PRKG1: variants seen among roughly 807,000 people sequenced by gnomAD.
PRKG1 encodes cGMP-dependent protein kinase 1.
PRKG1 carries 35 observed loss-of-function variants against 88.1 expected under a neutral mutation model. That is an observed-to-expected ratio of 0.40 (90% CI 0.30 to 0.53). PRKG1 has a LOEUF of 0.53. Ranked by LOEUF, PRKG1 falls within the 20% of genes least tolerant of loss-of-function variation. PRKG1 has a pLI of 0.59. For missense variants in PRKG1, 540 were observed against 839.8 expected, an observed-to-expected ratio of 0.64 and a Z score of 4.41; for synonymous variants, 303 against 292.5, an observed-to-expected ratio of 1.04 and a Z score of -0.37.
In PRKG1 at chr10:52,027,956, T is replaced by C. The variant is rs1382928093; in HGVS notation, c.763-26528T>C. ...GGTGCCTGCCACCACGCCCAGCTAA[T>C]TTTTGTATTTTCAGTAGACGTGGGG... On this transcript the variant is annotated intron_variant, in intron 5 of 17. Coordinates refer to ENST00000373980, the MANE Select transcript of PRKG1 (RefSeq NM_006258.4). Among the ~76,000 whole-genome samples, 6 of 152,212 alleles carry C rather than the reference T, an allele frequency of 3.9e-5. No individual in the cohort carries two copies. In the East Asian group the frequency reaches 1.2e-3, roughly 29 times the overall value.
chr10:52,215,248 G>C (rs1002745080), intron 9 of PRKG1, among the ~76,000 whole-genome samples: 9 of 151,962 alleles, frequency 5.9e-5, no homozygotes, highest in African/African-American at 1.7e-4. Flanking sequence ...ACAAAAATTA[G>C]CCGGGCATGG....
chr10:51,034,668 T>TTTATATA (rs9299454), intron 1 of PRKG1, among the ~76,000 whole-genome samples: 8,732 of 67,708 alleles, frequency 0.13, 1,472 homozygotes, highest in Non-Finnish European at 0.16. Flanking sequence ...AATATGTTAT[T>TTTATATA]TATATATATA....
At chr10:51,825,597 G>T (rs1054048588) in intron 4 of PRKG1, among the ~76,000 whole-genome samples, 1 of 152,126 alleles carries the variant, frequency 6.6e-6, no homozygotes, top group Non-Finnish European at 1.5e-5. Flanking sequence ...CCAGTCTCCT[G>T]TGCCTACAAC....
At chr10:51,338,882 C>T (rs758658972) in intron 2 of PRKG1, among the ~76,000 whole-genome samples, 6 of 151,964 alleles carry the variant, frequency 3.9e-5, no homozygotes, top group Admixed American at 1.3e-4. Flanking sequence ...AGATATCTAG[C>T]GCAATGCTAA....
chr10:51,597,010 T>A (rs1484496301), intron 3 of PRKG1, among the ~76,000 whole-genome samples: 54 of 152,172 alleles, frequency 3.5e-4, no homozygotes, highest in Non-Finnish European at 2.1e-4. Flanking sequence ...GAAAGAGCAT[T>A]TATCGTCCCT....
intron 2 of PRKG1, among the ~76,000 whole-genome samples, chr10:51,163,827 G>A (rs1238437494): frequency 1.3e-5 from 2 of 152,178 alleles, no homozygotes; most frequent in Admixed American, 6.5e-5. Context: ...CTGCAAGGCC[G>A]CAGCGAGGCT....
intron 5 of PRKG1, among the ~76,000 whole-genome samples, chr10:51,989,924 T>A (rs1460096694): frequency 6.6e-6 from 1 of 152,312 alleles, no homozygotes; most frequent in Admixed American, 6.5e-5. Flanking sequence ...TTTCTTATAA[T>A]AGTTTTAAGA....
At chr10:51,919,311 A>G (rs1316313658) in intron 5 of PRKG1, among the ~76,000 whole-genome samples, 2 of 152,142 alleles carry the variant, frequency 1.3e-5, no homozygotes, top group Non-Finnish European at 2.9e-5. Context: ...GTGACCAACC[A>G]AGGCTTTAGG....
chr10:51,079,263 T>G (rs1844045281), intron 1 of PRKG1, among the ~76,000 whole-genome samples: 1 of 152,162 alleles, frequency 6.6e-6, no homozygotes, highest in Non-Finnish European at 1.5e-5. Flanking sequence ...CAAGTAAATA[T>G]TCTAGAAAGT....
At chr10:51,960,538 T>C (rs1250406881) in intron 5 of PRKG1, among the ~76,000 whole-genome samples, 2 of 151,994 alleles carry the variant, frequency 1.3e-5, no homozygotes, top group African/African-American at 4.8e-5. Context: ...CGTTTTCTAT[T>C]TTTTCTGTTC....
intron 7 of PRKG1, among the ~76,000 whole-genome samples, chr10:52,094,830 C>T (rs1013038870): frequency 5.9e-5 from 9 of 152,186 alleles, no homozygotes; most frequent in Non-Finnish European, 1.2e-4. Flanking sequence ...TCATGTAGAG[C>T]TAAATACCTC....
intron 9 of PRKG1, among the ~76,000 whole-genome samples, chr10:52,211,682 A>C (rs1478847178): frequency 6.7e-6 from 1 of 148,746 alleles, no homozygotes; most frequent in Non-Finnish European, 1.5e-5. Context: ...TAAAAAATAC[A>C]CAAATACCTA....
chr10:51,417,054 A>G (rs983608940), intron 2 of PRKG1, among the ~76,000 whole-genome samples: 3 of 152,170 alleles, frequency 2.0e-5, no homozygotes, highest in Admixed American at 6.5e-5. Flanking sequence ...CTTTTTAAAT[A>G]ACTTATCAAT....
At chr10:51,624,045 A>T (rs1157390138) in intron 3 of PRKG1, among the ~76,000 whole-genome samples, 1 of 151,916 alleles carries the variant, frequency 6.6e-6, no homozygotes, top group Non-Finnish European at 1.5e-5. Context: ...AACCACTCAT[A>T]TTTTTTTCCC....
In PRKG1 at chr10:51,092,054, G is replaced by T. The variant is rs1357696314; in HGVS notation, c.311+17153G>T. ...AATAACCTTCCAACTTGGCTTTTTG[G>T]CTCCCTGTGCAAATTCTGCCATGAA... On this transcript the variant is annotated intron_variant, in intron 1 of 17. Transcript: ENST00000373980. 2.0e-5 allele frequency among the ~76,000 whole-genome samples: 3 copies of T among 152,042 alleles called. No individual in the cohort carries two copies. In the East Asian group the frequency reaches 5.8e-4, roughly 29 times the overall value.
At chr10:52,274,722 G>T (rs1262465174) in intron 12 of PRKG1, among the ~76,000 whole-genome samples, 2 of 151,828 alleles carry the variant, frequency 1.3e-5, no homozygotes, top group Non-Finnish European at 2.9e-5. Flanking sequence ...GGGTCAAATG[G>T]TAATTCTACT....
chr10:51,395,569 G>A (rs1391916546), intron 2 of PRKG1, among the ~76,000 whole-genome samples: 1 of 152,102 alleles, frequency 6.6e-6, no homozygotes, highest in Admixed American at 6.6e-5. Context: ...GAAGTTATGG[G>A]CAGGAGGAGA....
At chr10:52,227,082 T>C (rs528688411) in intron 9 of PRKG1, among the ~76,000 whole-genome samples, 1 of 152,318 alleles carries the variant, frequency 6.6e-6, no homozygotes, top group East Asian at 1.9e-4. Flanking sequence ...TTGTTTGATG[T>C]ATTTTAATTA....
intron 4 of PRKG1, among the ~76,000 whole-genome samples, chr10:51,808,012 T>C (rs771382869): frequency 2.0e-5 from 3 of 152,130 alleles, no homozygotes; most frequent in Non-Finnish European, 2.9e-5. Context: ...CTTCTTCACA[T>C]CCCCAGGTTA....
Sources: gnomAD v4.1 joint callset for allele counts (sites outside exome capture counted in the v4.1 genomes callset) on GRCh38, gnomAD v4.1.1 for gene constraint, MANE v1.5 for transcripts, NCBI Gene and HGNC (gene_info 2026-07-23, HGNC 2026-07-21) for gene names.